THSD7B: variants seen among roughly 807,000 people sequenced by gnomAD.
The protein encoded by THSD7B is thrombospondin type-1 domain-containing protein 7B.
Under a neutral mutation model 213.6 loss-of-function variants are expected in THSD7B, and 138 were observed. The ratio of observed to expected loss-of-function variants is 0.65; its 90% CI spans 0.56 to 0.74. The LOEUF is 0.74. Among genes scored for constraint, THSD7B ranks in the 30% least tolerant of loss-of-function variants. The probability of loss-of-function intolerance (pLI) is 0.00; values close to 1 mark genes in which losing one functional copy is unlikely to be tolerated. For missense variants in THSD7B, 1,931 were observed against 1,991.5 expected, an observed-to-expected ratio of 0.97 and a Z score of 0.58; for synonymous variants, 742 against 687.0, an observed-to-expected ratio of 1.08 and a Z score of -1.25.
At chr2:137,586,599 T>G (rs951637998) in intron 17 of THSD7B, among the ~76,000 whole-genome samples, 4 of 152,206 alleles carry the variant, frequency 2.6e-5, no homozygotes, top group Non-Finnish European at 4.4e-5. Context: ...TTCTGAAGCT[T>G]AGTTTGGCTG....
intron 7 of THSD7B, among the ~76,000 whole-genome samples, chr2:137,209,719 A>G (rs1316976243): frequency 6.6e-6 from 1 of 151,672 alleles, no homozygotes; most frequent in Admixed American, 6.6e-5. Context: ...ACAAGTTACC[A>G]CGTATTATCT....
chr2:137,430,593 C>A (rs142288749), intron 14 of THSD7B, among the ~76,000 whole-genome samples: 1 of 152,372 alleles, frequency 6.6e-6, no homozygotes, highest in African/African-American at 2.4e-5. Context: ...CCTAACTTAC[C>A]TTTCTCTCTC....
intron 12 of THSD7B, among the ~76,000 whole-genome samples, chr2:137,292,847 A>G (rs561214775): frequency 2.0e-5 from 3 of 152,230 alleles, no homozygotes; most frequent in African/African-American, 7.2e-5. Context: ...CATTCCATGT[A>G]TATCATAACT....
intron 27 of THSD7B, among the ~76,000 whole-genome samples, chr2:137,675,160 A>G (rs2104834591): frequency 6.6e-6 from 1 of 152,168 alleles, no homozygotes; most frequent in Non-Finnish European, 1.5e-5. Context: ...AATGGCTACC[A>G]GGGGCTGAGA....
At chr2:137,154,260 C>A (rs183353712) in intron 5 of THSD7B, among the ~76,000 whole-genome samples, 1 of 151,982 alleles carries the variant, frequency 6.6e-6, no homozygotes, top group Non-Finnish European at 1.5e-5. Context: ...TATCTTGTGA[C>A]GAATTCCTCT....
chr2:137,490,192 C>T (rs983114615), intron 15 of THSD7B, among the ~76,000 whole-genome samples: 1 of 152,148 alleles, frequency 6.6e-6, no homozygotes, highest in African/African-American at 2.4e-5. Context: ...AAAGGATACC[C>T]ATTAAGTCTC....
chr2:136,811,483 T>C (rs1682376228), intron 1 of THSD7B, among the ~76,000 whole-genome samples: 1 of 152,162 alleles, frequency 6.6e-6, no homozygotes, highest in Non-Finnish European at 1.5e-5. Flanking sequence ...GTTACTTCTT[T>C]AGATTAAATA....
At chr2:137,185,850 C>T (rs1373977849) in intron 7 of THSD7B, among the ~76,000 whole-genome samples, 2 of 152,184 alleles carry the variant, frequency 1.3e-5, no homozygotes, top group Non-Finnish European at 2.9e-5. Flanking sequence ...CATTTACATT[C>T]CCACCAACAG....
chr2:137,009,566 G>A (rs1360505261), intron 2 of THSD7B, among the ~76,000 whole-genome samples: 1 of 152,102 alleles, frequency 6.6e-6, no homozygotes, highest in Non-Finnish European at 1.5e-5. Flanking sequence ...TGGCTGAGGA[G>A]GCCTCATAAT....
intron 12 of THSD7B, among the ~76,000 whole-genome samples, chr2:137,286,109 A>G (rs1287990905): frequency 6.6e-6 from 1 of 152,020 alleles, no homozygotes; most frequent in African/African-American, 2.4e-5. Context: ...AAAAAAAAAA[A>G]AAAAGATTTA....
At chr2:137,406,360 A>T (rs941839344) in intron 13 of THSD7B, among the ~76,000 whole-genome samples, 10 of 152,228 alleles carry the variant, frequency 6.6e-5, no homozygotes, top group Non-Finnish European at 1.5e-5. Context: ...GAATTAAAGC[A>T]ACTAATTGTT....
intron 12 of THSD7B, among the ~76,000 whole-genome samples, chr2:137,284,398 C>A (rs1261813554): frequency 6.6e-6 from 1 of 152,036 alleles, no homozygotes; most frequent in African/African-American, 2.4e-5. Flanking sequence ...TCTCTATTTC[C>A]TTCAGTTCTG....
intron 15 of THSD7B, among the ~76,000 whole-genome samples, chr2:137,555,984 G>T (rs190478280): frequency 6.6e-6 from 1 of 152,186 alleles, no homozygotes; most frequent in African/African-American, 2.4e-5. Flanking sequence ...GAGAAGAGAA[G>T]TTTAGAGAAA....
chr2:137,229,980 C>A (rs1052079396), intron 7 of THSD7B, among the ~76,000 whole-genome samples: 3 of 152,146 alleles, frequency 2.0e-5, no homozygotes, highest in African/African-American at 7.2e-5. Context: ...ACAAACAAAA[C>A]CGCCTCTCTC....
At chr2:137,377,152 T>G (rs188922225) in intron 12 of THSD7B, among the ~76,000 whole-genome samples, 1 of 152,286 alleles carries the variant, frequency 6.6e-6, no homozygotes, top group East Asian at 1.9e-4. Flanking sequence ...GTATTCTGTG[T>G]AGATTATGAG....
At chr2:137,384,736 G>T (rs1437481622) in intron 12 of THSD7B, among the ~76,000 whole-genome samples, 2 of 152,090 alleles carry the variant, frequency 1.3e-5, no homozygotes, top group African/African-American at 2.4e-5. Flanking sequence ...CTTTTCAGGT[G>T]CTCCCTGAGT....
rs1679635271 is a variant in THSD7B at position 137,498,840 on chromosome 2, C to T, written c.3138+47817C>T. ...GAGCAGAGGCCTAAGTGAGAGTGAG[C>T]TGCCTCATGCTGAAGAAGGGAATAC... is the stretch of plus-strand genomic sequence containing the variant. On this transcript the variant is annotated intron_variant, in intron 15 of 27. Transcript: ENST00000409968. Among the ~76,000 whole-genome samples the T allele has an allele frequency of 2.0e-5, 3 of 152,166 alleles. No homozygotes were observed. In the South Asian group the frequency reaches 6.2e-4, roughly 32 times the overall value.
intron 7 of THSD7B, among the ~76,000 whole-genome samples, chr2:137,214,780 T>C (rs1317838302): frequency 6.6e-6 from 1 of 152,230 alleles, no homozygotes. Flanking sequence ...TTTTTATGGC[T>C]GCATAGTCTT....
rs553305483 is a variant in THSD7B, at chr2:137,571,233, T to C, written c.3273-1173T>C. Among the ~76,000 whole-genome samples the C allele has an allele frequency of 2.8e-4, 43 of 152,322 alleles. No individual in the cohort carries two copies. The South Asian group carries it at 8.5e-3, about 30-fold the overall frequency. On this transcript the variant is annotated intron_variant, in intron 16 of 27. Transcript: ENST00000409968. Reference sequence around the variant, plus strand: ...TCATATGTACTCTTTTGTGTCTAGCTTCTTTGGTTCAACATTATATTTTTG... The same window carrying C: ...TCATATGTACTCTTTTGTGTCTAGCCTCTTTGGTTCAACATTATATTTTTG...
Sources: gnomAD v4.1 joint callset for allele counts (sites outside exome capture counted in the v4.1 genomes callset) on GRCh38, gnomAD v4.1.1 for gene constraint, MANE v1.5 for transcripts, NCBI Gene and HGNC (gene_info 2026-07-23, HGNC 2026-07-21) for gene names.